Variants in TGFBR3 observed in about 807,000 individuals in gnomAD.
TGFBR3 encodes transforming growth factor beta receptor 3, also known as transforming growth factor beta receptor type 3.
In TGFBR3, 46 loss-of-function variants were observed where a neutral mutation model predicts 87.9. The ratio of observed to expected loss-of-function variants is 0.52; its 90% confidence interval spans 0.41 to 0.67. The LOEUF (loss-of-function observed/expected upper bound fraction) is 0.67. Ranked by LOEUF, TGFBR3 falls within the 30% of genes least tolerant of loss-of-function variation. The pLI, the probability that TGFBR3 is intolerant of heterozygous loss-of-function variation, is 0.00. For synonymous variants in TGFBR3, 381 were observed against 391.6 expected, an observed-to-expected ratio of 0.97 and a Z score of 0.32; for missense variants, 866 against 1,041.9, an observed-to-expected ratio of 0.83 and a Z score of 2.32.
intron 2 of TGFBR3, among the ~76,000 whole-genome samples, chr1:91,832,861 A>C (rs1676901008): frequency 6.6e-6 from 1 of 151,892 alleles, no homozygotes; most frequent in East Asian, 1.9e-4. Context: ...AAATTATATA[A>C]AAATATAAAA....
chr1:91,739,914 A>G (rs12123737), intron 4 of TGFBR3, among the ~76,000 whole-genome samples: 57,723 of 151,916 alleles, frequency 0.38, 11,848 homozygotes, highest in East Asian at 0.7. Context: ...GGTAGGTGCT[A>G]CATACTTTTA....
chr1:91,691,240 AAAAT>A (rs1468329861), intron 16 of TGFBR3, among the ~76,000 whole-genome samples: 4 of 147,134 alleles, frequency 2.7e-5, no homozygotes, highest in Admixed American at 2.0e-4. Context: ...GGGTGAGAAA[AAAAT>A]AAATCATTCT....
Position 91,716,535 on chromosome 1 carries a change from T to TC in TGFBR3, c.1707+32dup, listed in dbSNP as rs1454282829. On this transcript the variant is annotated intron_variant, in intron 11 of 16. Coordinates refer to ENST00000212355, the MANE Select transcript of TGFBR3 (RefSeq NM_003243.5). The stretch of plus-strand genomic sequence containing the variant: ...AAAGCCAACAAAATAGACAGCATTT[T>TC]CCACAAACCCCCTACTGATAACAAA... 3 of 1,613,992 alleles carry TC rather than the reference T, an allele frequency of 1.9e-6. No individual in the cohort carries two copies. The African/African-American group carries it at 4.0e-5, about 22-fold the overall frequency.
chr1:91,753,683 A>G (rs139978552), intron 4 of TGFBR3, among the ~76,000 whole-genome samples: 49 of 152,308 alleles, frequency 3.2e-4, no homozygotes, highest in Admixed American at 9.2e-4. Context: ...TGGACATTTT[A>G]TATAAATTGG....
intron 2 of TGFBR3, among the ~76,000 whole-genome samples, chr1:91,816,599 G>A (rs1676234755): frequency 6.6e-6 from 1 of 152,158 alleles, no homozygotes; most frequent in Non-Finnish European, 1.5e-5. Context: ...TTCAGCTATT[G>A]AGTCTCTTTC....
chr1:91,899,902 A>G (rs951442401), intron 1 of TGFBR3, among the ~76,000 whole-genome samples: 2 of 152,044 alleles, frequency 1.3e-5, no homozygotes, highest in African/African-American at 4.8e-5. Flanking sequence ...GTGTGCTATG[A>G]TGGTACCTGT....
intron 3 of TGFBR3, 51 bp from the exon 4 acceptor site, chr1:91,758,801 A>G: frequency 6.2e-7 from 1 of 1,612,388 alleles, no homozygotes; most frequent in Non-Finnish European, 8.5e-7. Context: ...CTTTCCATGA[A>G]AATCACTCAG....
intron 2 of TGFBR3, among the ~76,000 whole-genome samples, chr1:91,825,968 G>C (rs1252496590): frequency 1.6e-5 from 1 of 61,494 alleles, no homozygotes; most frequent in Non-Finnish European, 3.1e-5. Context: ...GTGAGAGTGA[G>C]ACCCCATCTC....
intron 1 of TGFBR3, among the ~76,000 whole-genome samples, chr1:91,869,032 C>G (rs1678486744): frequency 6.6e-6 from 1 of 152,182 alleles, no homozygotes; most frequent in South Asian, 2.1e-4. Context: ...GCCAAGTCCT[C>G]ACCTTCCAAA....
At chr1:91,820,639 T>C (rs1378697786) in intron 2 of TGFBR3, among the ~76,000 whole-genome samples, 1 of 152,052 alleles carries the variant, frequency 6.6e-6, no homozygotes, top group African/African-American at 2.4e-5. Context: ...TGAGCAGAGA[T>C]TGCACCACTG....
chr1:91,862,886 T>C (rs547403995), intron 1 of TGFBR3, among the ~76,000 whole-genome samples: 1 of 152,308 alleles, frequency 6.6e-6, no homozygotes, highest in South Asian at 2.1e-4. Context: ...TCAGGAAATA[T>C]CACGCAACAG....
chr1:91,898,529 C>G (rs920916020), intron 2 of TGFBR3, among the ~76,000 whole-genome samples: 1 of 152,016 alleles, frequency 6.6e-6, no homozygotes, highest in Non-Finnish European at 1.5e-5. Context: ...CTCCGCCTCC[C>G]GGGTTCACGC....
At chr1:91,695,321 T>A (rs1671396244) in intron 16 of TGFBR3, among the ~76,000 whole-genome samples, 1 of 152,174 alleles carries the variant, frequency 6.6e-6, no homozygotes, top group Admixed American at 6.5e-5. Flanking sequence ...CTTTTTCACT[T>A]CCTCTCATGT....
intron 2 of TGFBR3, among the ~76,000 whole-genome samples, chr1:91,857,802 G>A (rs1017262971): frequency 5.9e-5 from 9 of 152,120 alleles, no homozygotes; most frequent in African/African-American, 1.2e-4. Context: ...GGGTGGGAAC[G>A]AATCTTACAT....
At chr1:91,719,816 A>G in intron 9 of TGFBR3, 77 bp downstream of exon 9, 1 of 1,509,548 alleles carries the variant, frequency 6.6e-7, no homozygotes, top group Non-Finnish European at 9.2e-7. Flanking sequence ...AGAGATAGGG[A>G]GAAATTACAG....
At chr1:91,837,221 ATTATTTATTTATTTAT>A (rs3039475) in intron 2 of TGFBR3, among the ~76,000 whole-genome samples, 1 of 149,326 alleles carries the variant, frequency 6.7e-6, no homozygotes, top group African/African-American at 2.5e-5. Context: ...AAGTAAGGAT[ATTATTTATTTATTTAT>A]TTATTTATTT....
intron 2 of TGFBR3, among the ~76,000 whole-genome samples, chr1:91,800,228 C>CAAAA (rs148518308): frequency 8.7e-6 from 1 of 114,308 alleles, no homozygotes; most frequent in African/African-American, 3.7e-5. Context: ...CCCATCTCTA[C>CAAAA]AAAAAAAAAA....
At chr1:91,767,234 C>T (rs79924371) in intron 3 of TGFBR3, among the ~76,000 whole-genome samples, 1,810 of 133,868 alleles carry the variant, frequency 0.014, 423 homozygotes, top group African/African-American at 0.048. Flanking sequence ...AGTCAGGTAG[C>T]GATTTAAGAT....
intron 2 of TGFBR3, among the ~76,000 whole-genome samples, chr1:91,833,551 T>G (rs1676942464): frequency 6.6e-6 from 1 of 150,998 alleles, no homozygotes; most frequent in Non-Finnish European, 1.5e-5. Flanking sequence ...GTGGATCATT[T>G]GAGATCAGGG....
Sources: gnomAD v4.1 joint callset for allele counts (sites outside exome capture counted in the v4.1 genomes callset) on GRCh38, gnomAD v4.1.1 for gene constraint, MANE v1.5 for transcripts, NCBI Gene and HGNC (gene_info 2026-07-23, HGNC 2026-07-21) for gene names.